The following DYNC2H1 variants were observed in gnomAD, a reference collection of about 807,000 sequenced individuals.
DYNC2H1 encodes the protein dynein cytoplasmic 2 heavy chain 1, also known as cytoplasmic dynein 2 heavy chain 1.
Under a neutral mutation model 570.0 loss-of-function variants are expected in DYNC2H1, and 410 were observed. The observed-to-expected ratio is 0.72, with a 90% confidence interval of 0.66 to 0.78. The LOEUF (loss-of-function observed/expected upper bound fraction) is 0.78. Among genes scored for constraint, DYNC2H1 ranks in the 30% least tolerant of loss-of-function variants. DYNC2H1 has a pLI of 0.00. For missense variants in DYNC2H1, 4,865 were observed against 5,046.4 expected (o/e 0.96, Z 1.09); for synonymous variants, 1,688 against 1,677.6 (o/e 1.01, Z -0.15).
chr11:103,445,949 G>T (rs567350146), intron 85 of DYNC2H1, among the ~76,000 whole-genome samples: 1 of 152,144 alleles, frequency 6.6e-6, no homozygotes, highest in East Asian at 1.9e-4. Context: ...ACCGTGCGCG[G>T]CCCTTGATTT....
At chr11:103,462,657 T>G (rs57785530) in intron 87 of DYNC2H1, among the ~76,000 whole-genome samples, 3,140 of 152,308 alleles carry the variant, frequency 0.021, 65 homozygotes, top group Middle Eastern at 0.051. Context: ...AATACCTAAT[T>G]TTTTCATTTA....
intron 61 of DYNC2H1, 84 bp downstream of exon 61, chr11:103,234,244 G>T: frequency 2.1e-6 from 3 of 1,430,314 alleles, no homozygotes; most frequent in Non-Finnish European, 2.8e-6. Context: ...AAAAAGGAGA[G>T]AAAGATCCAT....
At chr11:103,468,845 A>C (rs1945277784) in intron 88 of DYNC2H1, 140 bp downstream of exon 88, 1 of 611,962 alleles carries the variant, frequency 1.6e-6, no homozygotes. Flanking sequence ...TGCAGTCAAA[A>C]GTACTTTATC....
chr11:103,475,971 T>C (rs1945535037), intron 88 of DYNC2H1, among the ~76,000 whole-genome samples: 2 of 152,204 alleles, frequency 1.3e-5, no homozygotes, highest in Admixed American at 6.5e-5. Flanking sequence ...TATCAGGTGT[T>C]GGAAAAAGAT....
intron 80 of DYNC2H1, among the ~76,000 whole-genome samples, chr11:103,316,992 T>G: frequency 6.6e-6 from 1 of 152,036 alleles, no homozygotes; most frequent in East Asian, 1.9e-4. Flanking sequence ...CTAAGTAGGA[T>G]TCAGGAAACA....
At chr11:103,384,268 A>T (rs1021558966) in intron 83 of DYNC2H1, among the ~76,000 whole-genome samples, 3 of 152,042 alleles carry the variant, frequency 2.0e-5, no homozygotes, top group Non-Finnish European at 1.5e-5. Context: ...TGTCATCGTA[A>T]AGTGATTCCC....
In DYNC2H1 at chr11:103,177,709, C is replaced by T. The variant is rs1485148690; in HGVS notation, c.6028C>T (p.Pro2010Ser). ...AGTAGTGAAACAATATACTATGAATCCCAAAGCTATGCCTCGATATCAATT... is the reference window on the plus strand; with the variant it reads ...AGTAGTGAAACAATATACTATGAATTCCAAAGCTATGCCTCGATATCAATT... Reference protein sequence around the residue: ...GKVVKQYTMNPKAMPRYQLLG... With the variant: ...GKVVKQYTMNSKAMPRYQLLG... Residue 2010 changes from proline to serine, a missense_variant, in exon 38 of 89, where the codon CCC (proline) becomes TCC (serine). This residue lies in a region of DYNC2H1 where 231 missense variants were observed against 310.3 expected (regional missense o/e 0.74). Coordinates refer to ENST00000375735, the MANE Select transcript of DYNC2H1 (RefSeq NM_001377.3). The surrounding 1 kb of genome is among the most constrained non-coding windows in gnomAD (Gnocchi z 4.4). The T allele has an allele frequency of 6.2e-7, 1 of 1,613,408 alleles. No homozygotes were observed.
chr11:103,272,729 A>G (rs1274320881), intron 70 of DYNC2H1, among the ~76,000 whole-genome samples: 1 of 152,170 alleles, frequency 6.6e-6, no homozygotes, highest in Admixed American at 6.5e-5. Flanking sequence ...TCCTAATGTC[A>G]TATTAATCCT....
rs1162175718 is a variant in DYNC2H1, at chr11:103,446,994, G to A, written c.12457-8192G>A. Reference sequence around the variant, plus strand: ...TTTTAATAATCTTGTTTCCCATAGTGGTTCAGGTTCTGCATGAACACCATC... The same window carrying A: ...TTTTAATAATCTTGTTTCCCATAGTAGTTCAGGTTCTGCATGAACACCATC... On this transcript the variant is annotated intron_variant, in intron 85 of 88. Transcript: ENST00000375735. This position sits in a 1 kb window ranked among gnomAD's most constrained non-coding sequence, Gnocchi z 4.5. Among the ~76,000 whole-genome samples, 1 of 152,010 alleles carries A rather than the reference G, an allele frequency of 6.6e-6. No individual in the cohort carries two copies. The highest frequency in any genetic ancestry group is 2.4e-5 in the African/African-American group (1 of 41,416).
At chr11:103,298,191 A>T (rs1016783457) in intron 75 of DYNC2H1, among the ~76,000 whole-genome samples, 1 of 151,864 alleles carries the variant, frequency 6.6e-6, no homozygotes, top group Non-Finnish European at 1.5e-5. Context: ...TCAGTTCTTT[A>T]CCAACGTAAT....
intron 84 of DYNC2H1, among the ~76,000 whole-genome samples, chr11:103,421,871 A>C (rs1943500145): frequency 6.6e-6 from 1 of 151,638 alleles, no homozygotes; most frequent in African/African-American, 2.4e-5. Flanking sequence ...GCTGAACTTT[A>C]AAAAGCCTTT....
chr11:103,337,066 G>A (rs1939175563), intron 82 of DYNC2H1, among the ~76,000 whole-genome samples: 3 of 152,150 alleles, frequency 2.0e-5, no homozygotes, highest in Non-Finnish European at 4.4e-5. Context: ...GGCCCACCCA[G>A]GGCAGAAAAT....
At chr11:103,128,824 A>G in intron 12 of DYNC2H1, 86 bp from the exon 13 acceptor site, 1 of 1,169,612 alleles carries the variant, frequency 8.5e-7, no homozygotes, top group Non-Finnish European at 1.2e-6. Context: ...GGATTGAGAA[A>G]AGTTAACATT....
At chr11:103,112,460 G>C (rs900980965) in intron 1 of DYNC2H1, among the ~76,000 whole-genome samples, 1 of 152,140 alleles carries the variant, frequency 6.6e-6, no homozygotes. Flanking sequence ...AGGCAACAAG[G>C]GCTCCATTAG....
chr11:103,314,909 A>G (rs188327915), intron 79 of DYNC2H1, among the ~76,000 whole-genome samples: 193 of 152,194 alleles, frequency 1.3e-3, no homozygotes, highest in African/African-American at 4.3e-3. Flanking sequence ...AAACTTTTTC[A>G]CATACGGTCT....
intron 15 of DYNC2H1, 55 bp from the exon 16 acceptor site, chr11:103,135,433 TAAATGAA>T: frequency 7.4e-7 from 1 of 1,360,422 alleles, no homozygotes; most frequent in African/African-American, 1.5e-5. Context: ...ATGAAAGTAT[TAAATGAA>T]AAATCCATTC....
chr11:103,154,852 G>A (rs1298669819), intron 24 of DYNC2H1, 43 bp downstream of exon 24: 1 of 1,430,794 alleles, frequency 7.0e-7, no homozygotes. Context: ...ACAATGTTTG[G>A]AGCTTTCATC....
At chr11:103,112,789 G>C (rs945335472) in intron 1 of DYNC2H1, among the ~76,000 whole-genome samples, 2 of 152,114 alleles carry the variant, frequency 1.3e-5, no homozygotes. Flanking sequence ...AAAGAAATGA[G>C]AATAACTGAG....
intron 85 of DYNC2H1, among the ~76,000 whole-genome samples, chr11:103,449,270 A>T (rs1358586872): frequency 1.3e-5 from 2 of 152,162 alleles, no homozygotes; most frequent in Non-Finnish European, 2.9e-5. Context: ...TCAGGCAGGA[A>T]CAGACAATGC....
Sources: gnomAD v4.1 joint callset for allele counts (sites outside exome capture counted in the v4.1 genomes callset) on GRCh38, gnomAD v4.1.1 for gene constraint, gnomAD v4.1.1 regional missense constraint, Gnocchi (gnomAD v3.1) non-coding constraint, MANE v1.5 for transcripts, NCBI Gene and HGNC (gene_info 2026-07-23, HGNC 2026-07-21) for gene names.